The following FBXO34 variants were observed in gnomAD, a reference collection of about 807,000 sequenced individuals.
The protein encoded by FBXO34 is F-box protein 34.
A neutral mutation model predicts 24.5 loss-of-function variants in FBXO34; 12 were observed. The observed-to-expected ratio is 0.49, with a 90% confidence interval of 0.31 to 0.79. The LOEUF is 0.79. FBXO34 is among the 30% of genes least tolerant of loss of function. FBXO34 has a pLI of 0.04. For synonymous variants in FBXO34, 320 were observed against 311.9 expected (o/e 1.03, Z -0.27); for missense variants, 823 against 857.7 (o/e 0.96, Z 0.51).
At chr14:55,385,682 G>A in the FBXO34 span, among the ~76,000 whole-genome samples, 27 of 152,256 alleles carry the variant, frequency 1.8e-4, no homozygotes, top group Non-Finnish European at 2.5e-4. Flanking sequence ...CCCTCACCTC[G>A]CTGCCTCCCC....
the FBXO34 span, among the ~76,000 whole-genome samples, chr14:55,420,456 G>A: frequency 6.6e-6 from 1 of 152,234 alleles, no homozygotes; most frequent in African/African-American, 2.4e-5. Flanking sequence ...AAACTGCGTA[G>A]CTCTAGGCTA....
the FBXO34 span, among the ~76,000 whole-genome samples, chr14:55,438,051 G>A: frequency 2.0e-5 from 3 of 152,126 alleles, no homozygotes; most frequent in Non-Finnish European, 2.9e-5. Flanking sequence ...GGAAAAAATC[G>A]ATTAGCTTGA....
At chr14:55,416,603 A>G in the FBXO34 span, among the ~76,000 whole-genome samples, 6 of 152,178 alleles carry the variant, frequency 3.9e-5, no homozygotes, top group Non-Finnish European at 2.9e-5. Flanking sequence ...AAAAGCCACA[A>G]GTTTCAGCAG....
chr14:55,274,112 TA>T (rs1303066186), intron 1 of FBXO34, among the ~76,000 whole-genome samples: 4 of 152,286 alleles, frequency 2.6e-5, no homozygotes, highest in African/African-American at 9.6e-5. Flanking sequence ...CCAGGTGTGC[TA>T]GTATTAATGG....
the FBXO34 span, among the ~76,000 whole-genome samples, chr14:55,441,916 C>T: frequency 1.3e-5 from 2 of 151,818 alleles, no homozygotes; most frequent in Non-Finnish European, 2.9e-5. Context: ...GTGCCTGCCA[C>T]CATGCCCAGC....
chr14:55,277,873 A>G (rs1162373677), intron 1 of FBXO34, among the ~76,000 whole-genome samples: 1 of 152,192 alleles, frequency 6.6e-6, no homozygotes, highest in African/African-American at 2.4e-5. Flanking sequence ...AGGATCCTGT[A>G]GCAAGATCAT....
At chr14:55,412,351 G>A in the FBXO34 span, among the ~76,000 whole-genome samples, 1 of 152,132 alleles carries the variant, frequency 6.6e-6, no homozygotes, top group Admixed American at 6.5e-5. Context: ...TAGAATTATA[G>A]TACCCATCTA....
chr14:55,437,503 C>T, the FBXO34 span, among the ~76,000 whole-genome samples: 6 of 152,182 alleles, frequency 3.9e-5, no homozygotes, highest in African/African-American at 1.2e-4. Context: ...ACAGTTACAG[C>T]ACACTTAATG....
chr14:55,306,671 A>G (rs1368968575), intron 1 of FBXO34, among the ~76,000 whole-genome samples: 1 of 152,120 alleles, frequency 6.6e-6, no homozygotes, highest in Non-Finnish European at 1.5e-5. Context: ...TGTCTCTACT[A>G]AAAATACAAA....
At chr14:55,304,105 G>A (rs1166650881) in intron 1 of FBXO34, among the ~76,000 whole-genome samples, 1 of 152,178 alleles carries the variant, frequency 6.6e-6, no homozygotes, top group Admixed American at 6.5e-5. Context: ...TGTTTAGTAT[G>A]AGTTAGCATA....
the FBXO34 span, among the ~76,000 whole-genome samples, chr14:55,403,268 C>T: frequency 6.6e-6 from 1 of 151,972 alleles, no homozygotes; most frequent in African/African-American, 2.4e-5. Context: ...CTTTCCATTT[C>T]TTCACTGCAA....
the FBXO34 span, among the ~76,000 whole-genome samples, chr14:55,403,138 CA>C: frequency 6.6e-6 from 1 of 150,770 alleles, no homozygotes; most frequent in East Asian, 2.0e-4. Flanking sequence ...AAAATAGAAA[CA>C]AAGTGTTGTT....
the FBXO34 span, among the ~76,000 whole-genome samples, chr14:55,426,033 G>A: frequency 6.6e-6 from 1 of 152,112 alleles, no homozygotes; most frequent in Non-Finnish European, 1.5e-5. Context: ...TTGGGAAGTC[G>A]AGGTGGGTGG....
chr14:55,371,400 CAAT>C (rs1156944212), downstream of FBXO34, among the ~76,000 whole-genome samples: 1 of 152,100 alleles, frequency 6.6e-6, no homozygotes, highest in Non-Finnish European at 1.5e-5. Flanking sequence ...ATGGATTAAG[CAAT>C]AATAATAGCT....
At chr14:55,416,866 T>TCC in the FBXO34 span, among the ~76,000 whole-genome samples, 1 of 152,236 alleles carries the variant, frequency 6.6e-6, no homozygotes, top group East Asian at 1.9e-4. Context: ...AGGAACAGTG[T>TCC]CCAGGTCCAG....
chr14:55,365,511 T>C (rs1330267702), downstream of FBXO34, among the ~76,000 whole-genome samples: 1 of 152,192 alleles, frequency 6.6e-6, no homozygotes, highest in Non-Finnish European at 1.5e-5. Context: ...TTTCAAGTTT[T>C]CTGGTACATT....
At chr14:55,306,881 A>G (rs1012760503) in intron 1 of FBXO34, among the ~76,000 whole-genome samples, 2 of 152,192 alleles carry the variant, frequency 1.3e-5, no homozygotes, top group African/African-American at 4.8e-5. Context: ...AGGTCTTACT[A>G]AATGGAAACC....
At chr14:55,405,876 G>T in the FBXO34 span, among the ~76,000 whole-genome samples, 2 of 151,970 alleles carry the variant, frequency 1.3e-5, no homozygotes, top group Non-Finnish European at 2.9e-5. Flanking sequence ...GGTCTCCCCT[G>T]GGGGTGGGGT....
chr14:55,394,005 A>ATTT, the FBXO34 span, among the ~76,000 whole-genome samples: 3 of 138,924 alleles, frequency 2.2e-5, no homozygotes, highest in African/African-American at 2.6e-5. Context: ...CAGTATCATA[A>ATTT]TTTTTTTTTT....
Sources: allele counts gnomAD v4.1 joint callset (sites outside exome capture counted in the v4.1 genomes callset), GRCh38; gene constraint gnomAD v4.1.1; transcripts MANE v1.5; gene names NCBI Gene and HGNC (gene_info 2026-07-23, HGNC 2026-07-21).